The following KCNC2 variants were observed in gnomAD, a reference collection of about 807,000 sequenced individuals.
KCNC2 encodes potassium voltage-gated channel subfamily C member 2.
Under a neutral mutation model 44.5 loss-of-function variants are expected in KCNC2, and 21 were observed. The ratio of observed to expected loss-of-function variants is 0.47; its 90% confidence interval spans 0.33 to 0.68. The LOEUF is 0.68. Among genes scored for constraint, KCNC2 ranks in the 30% least tolerant of loss-of-function variants. The pLI, the probability that KCNC2 is intolerant of heterozygous loss-of-function variation, is 0.01. For missense variants in KCNC2, 589 were observed against 826.2 expected, an observed-to-expected ratio of 0.71 and a Z score of 3.52; for synonymous variants, 391 against 339.1, an observed-to-expected ratio of 1.15 and a Z score of -1.68.
Position 75,050,686 on chromosome 12 carries a change from T to C in KCNC2, c.1319A>G (p.Tyr440Cys). The C allele has an allele frequency of 6.2e-7, 1 of 1,613,524 alleles. No individual in the cohort carries two copies. The highest frequency in any genetic ancestry group is 1.1e-5 in the South Asian group (1 of 91,070). The change falls in exon 3 of 5, where the codon TAT (tyrosine) becomes TGT (cysteine). Residue 440 changes from tyrosine to cysteine, a missense_variant. Coordinates refer to ENST00000549446, the MANE Select transcript of KCNC2 (RefSeq NM_139137.4). ...WAVVTMTTLG[Y>C]GDMYPQTWSG... ...CCATGTTTGGGGGTACATATCCCCA[T>C]AACCCAGGGTAGTCATGGTCACTAC...
At chr12:75,164,894 T>A (rs996544664) in intron 2 of KCNC2, among the ~76,000 whole-genome samples, 2 of 151,728 alleles carry the variant, frequency 1.3e-5, no homozygotes, top group Non-Finnish European at 3.0e-5. Context: ...TTTAACAAAA[T>A]CTGTCAATTT....
chr12:75,067,275 T>C (rs531895464), intron 2 of KCNC2, among the ~76,000 whole-genome samples: 7 of 152,102 alleles, frequency 4.6e-5, no homozygotes, highest in Admixed American at 3.3e-4. Flanking sequence ...GTGTTTAGAG[T>C]TGCCTTTATA....
intron 2 of KCNC2, among the ~76,000 whole-genome samples, chr12:75,173,421 C>T (rs1891964998): frequency 6.6e-6 from 1 of 151,856 alleles, no homozygotes; most frequent in Non-Finnish European, 1.5e-5. Flanking sequence ...ATCATTTCTT[C>T]TTCCAGATTT....
At chr12:75,070,983 A>C (rs1189030905) in intron 2 of KCNC2, among the ~76,000 whole-genome samples, 3 of 151,470 alleles carry the variant, frequency 2.0e-5, no homozygotes, top group African/African-American at 4.8e-5. Flanking sequence ...TATCTTGCTC[A>C]GTTTTTTATT....
intron 2 of KCNC2, among the ~76,000 whole-genome samples, chr12:75,095,731 G>A (rs569916635): frequency 6.6e-6 from 1 of 151,674 alleles, no homozygotes; most frequent in African/African-American, 2.4e-5. Flanking sequence ...CTAATACGCA[G>A]GAAAACAATC....
At chr12:75,102,752 C>T (rs994574288) in intron 2 of KCNC2, among the ~76,000 whole-genome samples, 9 of 151,996 alleles carry the variant, frequency 5.9e-5, no homozygotes, top group African/African-American at 2.2e-4. Flanking sequence ...TACGTTCCTA[C>T]AAACATAGTG....
chr12:75,089,255 A>G (rs12424210), intron 2 of KCNC2, among the ~76,000 whole-genome samples: 62,993 of 151,546 alleles, frequency 0.42, 14,207 homozygotes, highest in African/African-American at 0.57. Flanking sequence ...ATTCTACTGT[A>G]ATGCGCTAAA....
At chr12:75,047,951 A>C (rs528525278) in intron 4 of KCNC2, among the ~76,000 whole-genome samples, 138 of 152,212 alleles carry the variant, frequency 9.1e-4, no homozygotes, top group African/African-American at 3.1e-3. Flanking sequence ...AAAGGATGAG[A>C]TGTCTTTCAG....
At chr12:75,043,814 C>T (rs1391428021) in intron 4 of KCNC2, 2 of 1,446,416 alleles carry the variant, frequency 1.4e-6, no homozygotes, top group East Asian at 2.5e-5. Flanking sequence ...TTTCTAATTC[C>T]TTGGGTAAGA....
At chr12:75,072,600 G>GA (rs1312791745) in intron 2 of KCNC2, among the ~76,000 whole-genome samples, 1 of 150,910 alleles carries the variant, frequency 6.6e-6, no homozygotes, top group Non-Finnish European at 1.5e-5. Flanking sequence ...AGAAAAAATA[G>GA]AAAAAAAGAA....
At position 75,050,408 on chromosome 12, in the gene KCNC2, G is replaced by C. The variant is rs1881040410; in HGVS notation, c.1597C>G (p.Leu533Val). The C allele has an allele frequency of 6.2e-7, 1 of 1,610,844 alleles. No individual in the cohort carries two copies. Among genetic ancestry groups the C allele is most frequent in the South Asian group, 1.1e-5 (1 of 90,784 alleles). ...GCCTTACCTGATCTGTTATGTTCCA[G>C]AAGTCGATTGTCTTTGCCCAGACAT... is the stretch of plus-strand genomic sequence containing the variant. ...DTCLGKDNRL[L>V]EHNRSVLSGD... The change falls in exon 3 of 5, where the codon CTG (leucine) becomes GTG (valine). Residue 533 changes from leucine to valine, a missense_variant. Transcript: ENST00000549446.
At chr12:75,160,268 T>TA (rs1247379405) in intron 2 of KCNC2, among the ~76,000 whole-genome samples, 19 of 151,784 alleles carry the variant, frequency 1.3e-4, no homozygotes, top group Admixed American at 9.9e-4. Context: ...AAGCCAAAGA[T>TA]ATAGGCCTCA....
At chr12:75,124,189 AAAG>A (rs906027987) in intron 2 of KCNC2, 14 of 152,230 alleles carry the variant, frequency 9.2e-5, no homozygotes, top group African/African-American at 3.1e-4. Flanking sequence ...TTTATGCTTC[AAAG>A]AAGAACAGAC....
intron 2 of KCNC2, among the ~76,000 whole-genome samples, chr12:75,105,750 T>C (rs534308276): frequency 1.2e-4 from 18 of 152,238 alleles, no homozygotes; most frequent in African/African-American, 3.6e-4. Flanking sequence ...GGAAGACTTT[T>C]GGAGGAGTTG....
At chr12:75,160,833 T>G (rs540856716) in intron 2 of KCNC2, among the ~76,000 whole-genome samples, 3 of 151,814 alleles carry the variant, frequency 2.0e-5, no homozygotes, top group Non-Finnish European at 4.4e-5. Flanking sequence ...ACATATAATA[T>G]GTATGGTAGT....
At chr12:75,090,591 T>A (rs925949146) in intron 2 of KCNC2, among the ~76,000 whole-genome samples, 1 of 151,728 alleles carries the variant, frequency 6.6e-6, no homozygotes, top group African/African-American at 2.4e-5. Context: ...TAACTACAGT[T>A]GTAATTTTTA....
At chr12:75,120,375 G>A (rs907682500) in intron 2 of KCNC2, among the ~76,000 whole-genome samples, 3 of 152,140 alleles carry the variant, frequency 2.0e-5, no homozygotes, top group Admixed American at 1.3e-4. Context: ...TAGACTCCCC[G>A]CTGCTGGCAT....
chr12:75,069,343 T>C (rs1218736381), intron 2 of KCNC2, among the ~76,000 whole-genome samples: 1 of 151,480 alleles, frequency 6.6e-6, no homozygotes, highest in Admixed American at 6.6e-5. Context: ...TCCATGTTGG[T>C]CAGGCTGGTC....
chr12:75,101,358 T>C (rs1886357546), intron 2 of KCNC2, among the ~76,000 whole-genome samples: 1 of 152,068 alleles, frequency 6.6e-6, no homozygotes, highest in Non-Finnish European at 1.5e-5. Flanking sequence ...GGCAATTTCA[T>C]GGGTTGGAAC....
Sources: gnomAD v4.1 joint callset for allele counts (sites outside exome capture counted in the v4.1 genomes callset) on GRCh38, gnomAD v4.1.1 for gene constraint, MANE v1.5 for transcripts, NCBI Gene and HGNC (gene_info 2026-07-23, HGNC 2026-07-21) for gene names.